The following NAV2 variants were observed in gnomAD, a reference collection of about 807,000 sequenced individuals.
NAV2 encodes the protein neuron navigator 2.
A neutral mutation model predicts 223.2 loss-of-function variants in NAV2; 54 were observed. That is an observed-to-expected ratio of 0.24 (90% confidence interval 0.19 to 0.30). The LOEUF is 0.30. NAV2 is among the 10% of genes least tolerant of loss of function. NAV2 has a pLI of 1.00. For missense variants in NAV2, 2,806 were observed against 3,147.5 expected (o/e 0.89, Z 2.60); for synonymous variants, 1,279 against 1,239.3 (o/e 1.03, Z -0.67).
At chr11:19,952,650 A>C (rs2047492554) in intron 10 of NAV2, among the ~76,000 whole-genome samples, 1 of 152,224 alleles carries the variant, frequency 6.6e-6, no homozygotes, top group Non-Finnish European at 1.5e-5. Context: ...TCTGGTTTCT[A>C]AAAACCTAAG....
chr11:19,434,871 C>G (rs1442992896), intron 1 of NAV2, among the ~76,000 whole-genome samples: 3 of 119,632 alleles, frequency 2.5e-5, no homozygotes, highest in Non-Finnish European at 5.2e-5. Context: ...TTTTGCCAAG[C>G]TCTTTTCAGC....
At chr11:20,060,382 G>C (rs917909384) in intron 19 of NAV2, among the ~76,000 whole-genome samples, 1 of 152,212 alleles carries the variant, frequency 6.6e-6, no homozygotes. Context: ...CCACAAAGTT[G>C]GGACATTAAA....
At position 19,977,537 on chromosome 11, in the gene NAV2, G is replaced by A. The variant is rs947763515; in HGVS notation, c.2646-6588G>A. Among the ~76,000 whole-genome samples the A allele has an allele frequency of 4.6e-5, 7 of 152,194 alleles. No individual in the cohort carries two copies. The South Asian group carries it at 1.0e-3, about 23-fold the overall frequency. On this transcript the variant is annotated intron_variant, in intron 10 of 37. Transcript: ENST00000349880. ...ACTGCAACATGTCTCTGAACTTGTC[G>A]TGGGGGACAAAGGTTTTGATAAATA...
At chr11:19,346,500 G>T (rs902912274), upstream of NAV2, among the ~76,000 whole-genome samples, 35 of 152,268 alleles carry the variant, frequency 2.3e-4, no homozygotes, top group African/African-American at 7.7e-4. Context: ...CCTCCCGGGT[G>T]TGCGCTCCGC....
At chr11:19,973,668 A>G (rs2049450166) in intron 10 of NAV2, among the ~76,000 whole-genome samples, 1 of 152,236 alleles carries the variant, frequency 6.6e-6, no homozygotes, top group Admixed American at 6.5e-5. Flanking sequence ...GAATTGGTTT[A>G]TAGCAAACAG....
At chr11:19,844,362 A>C (rs899800639) in intron 3 of NAV2, among the ~76,000 whole-genome samples, 7 of 152,046 alleles carry the variant, frequency 4.6e-5, no homozygotes, top group Non-Finnish European at 7.4e-5. Flanking sequence ...GGAAATTGTC[A>C]ACCTTTTATT....
At chr11:20,038,681 T>C (rs2056629827) in intron 12 of NAV2, among the ~76,000 whole-genome samples, 1 of 152,154 alleles carries the variant, frequency 6.6e-6, no homozygotes, top group South Asian at 2.1e-4. Flanking sequence ...TGGGTTCCTG[T>C]CACATACTGG....
chr11:19,729,014 C>T (rs1230639301), intron 1 of NAV2, among the ~76,000 whole-genome samples: 1 of 152,144 alleles, frequency 6.6e-6, no homozygotes, highest in Non-Finnish European at 1.5e-5. Flanking sequence ...ACCCAGGGAG[C>T]TTGTTAAGTG....
chr11:19,510,716 C>T (rs1286656020), intron 1 of NAV2, among the ~76,000 whole-genome samples: 1 of 151,686 alleles, frequency 6.6e-6, no homozygotes. Context: ...ACAGGTTACC[C>T]AGCCCAGGGC....
intron 1 of NAV2, among the ~76,000 whole-genome samples, chr11:19,796,428 T>C (rs2057901726): frequency 6.6e-6 from 1 of 152,242 alleles, no homozygotes; most frequent in Non-Finnish European, 1.5e-5. Context: ...CAACCTTCTT[T>C]ATTGTGAACC....
chr11:19,566,777 G>T (rs963905594), intron 1 of NAV2, among the ~76,000 whole-genome samples: 2 of 152,194 alleles, frequency 1.3e-5, no homozygotes, highest in African/African-American at 4.8e-5. Context: ...CATATGCTCT[G>T]TCCAGCATCC....
intron 10 of NAV2, among the ~76,000 whole-genome samples, chr11:19,950,330 A>G (rs1156977290): frequency 6.6e-6 from 1 of 152,200 alleles, no homozygotes; most frequent in Non-Finnish European, 1.5e-5. Context: ...CTCTTGTTCT[A>G]TCTCCATAGC....
At chr11:19,663,933 A>G (rs1168827562) in intron 1 of NAV2, among the ~76,000 whole-genome samples, 7 of 152,190 alleles carry the variant, frequency 4.6e-5, no homozygotes, top group African/African-American at 1.4e-4. Context: ...CCCCACTCCA[A>G]TACCCATGGC....
intron 11 of NAV2, among the ~76,000 whole-genome samples, chr11:20,019,376 A>G (rs1393141535): frequency 3.3e-5 from 5 of 152,194 alleles, no homozygotes; most frequent in African/African-American, 1.2e-4. Context: ...ATTCTGAGAT[A>G]CAGAAGACTT....
At chr11:19,904,885 A>G (rs1326556664) in intron 6 of NAV2, among the ~76,000 whole-genome samples, 1 of 152,154 alleles carries the variant, frequency 6.6e-6, no homozygotes, top group Non-Finnish European at 1.5e-5. Flanking sequence ...GGTAGGTTGG[A>G]ATAGATTTTC....
chr11:19,958,834 C>T (rs1276067196), intron 10 of NAV2, among the ~76,000 whole-genome samples: 1 of 152,140 alleles, frequency 6.6e-6, no homozygotes, highest in African/African-American at 2.4e-5. Context: ...GAGGTTGGTG[C>T]TTGGGTGGGT....
At chr11:19,721,388 C>T (rs747829614) in intron 1 of NAV2, among the ~76,000 whole-genome samples, 1 of 152,178 alleles carries the variant, frequency 6.6e-6, no homozygotes, top group Non-Finnish European at 1.5e-5. Context: ...GGCCACAAGG[C>T]CCACTAAACG....
chr11:19,572,218 A>G (rs2045446357), intron 1 of NAV2, among the ~76,000 whole-genome samples: 1 of 152,206 alleles, frequency 6.6e-6, no homozygotes, highest in African/African-American at 2.4e-5. Context: ...CACTCCTGAC[A>G]ATATGCTCCA....
intron 1 of NAV2, among the ~76,000 whole-genome samples, chr11:19,549,281 A>C (rs528840187): frequency 5.6e-4 from 86 of 152,312 alleles, no homozygotes; most frequent in African/African-American, 1.5e-3. Context: ...GAAGAAAGGA[A>C]ACCTGGGATG....
Sources: gnomAD v4.1 joint callset for allele counts (sites outside exome capture counted in the v4.1 genomes callset) on GRCh38, gnomAD v4.1.1 for gene constraint, MANE v1.5 for transcripts, NCBI Gene and HGNC (gene_info 2026-07-23, HGNC 2026-07-21) for gene names.